RBMS3: variants seen among roughly 807,000 people sequenced by gnomAD.
The protein encoded by RBMS3 is RNA binding motif single stranded interacting protein 3, also known as RNA-binding motif, single-stranded-interacting protein 3.
A neutral mutation model predicts 66.8 loss-of-function variants in RBMS3; 27 were observed. The ratio of observed to expected loss-of-function variants is 0.40; its 90% confidence interval spans 0.30 to 0.56. The LOEUF is 0.56. Among genes scored for constraint, RBMS3 ranks in the 20% least tolerant of loss-of-function variants. RBMS3 has a pLI of 0.40. For synonymous variants in RBMS3, 188 were observed against 183.0 expected, an observed-to-expected ratio of 1.03 and a Z score of -0.22; for missense variants, 513 against 549.5, an observed-to-expected ratio of 0.93 and a Z score of 0.66.
intron 3 of RBMS3, among the ~76,000 whole-genome samples, chr3:29,560,941 C>T (rs1281209346): frequency 6.6e-6 from 1 of 152,172 alleles, no homozygotes; most frequent in East Asian, 1.9e-4. Context: ...ACCTATGTGT[C>T]CATGCGTTCT....
chr3:29,715,394 A>G (rs573338522), intron 4 of RBMS3, among the ~76,000 whole-genome samples: 5 of 152,276 alleles, frequency 3.3e-5, no homozygotes, highest in Non-Finnish European at 7.4e-5. Flanking sequence ...TTGTAACTCA[A>G]ATCCTATGCT....
chr3:29,619,905 G>A (rs2149151130), intron 4 of RBMS3, among the ~76,000 whole-genome samples: 1 of 151,692 alleles, frequency 6.6e-6, no homozygotes, highest in Non-Finnish European at 1.5e-5. Context: ...GTTTGTTCTT[G>A]TCTTCCTGAG....
intron 1 of RBMS3, among the ~76,000 whole-genome samples, chr3:29,330,472 G>A (rs1192457081): frequency 6.6e-6 from 1 of 152,134 alleles, no homozygotes; most frequent in East Asian, 1.9e-4. Flanking sequence ...GAGCCCTACA[G>A]TGAAATACAT....
rs2052814452 is a variant in RBMS3, at chr3:29,705,098, A to G, written c.400-34622A>G. On this transcript the variant is annotated intron_variant, in intron 4 of 14. Transcript: ENST00000383767. ...GGGGCTTTTTGTTTCACCAAATAAA[A>G]CGATAGCTTTCTCGCCCATGTCCAC... Among the ~76,000 whole-genome samples the G allele has an allele frequency of 3.9e-5, 6 of 152,296 alleles. No homozygotes were observed. In the South Asian group the frequency reaches 1.2e-3, roughly 32 times the overall value.
rs75737953 is a variant in RBMS3, at chr3:29,346,398, T to A, written c.75+64642T>A. 2.1e-4 allele frequency among the ~76,000 whole-genome samples: 19 copies of A among 88,382 alleles called. No individual in the cohort carries two copies. The South Asian group carries it at 6.9e-3, about 32-fold the overall frequency. The allele number at this position is 88,382 out of a possible 152,430, so 58.0% of individuals were successfully genotyped here. ...AATCCTAGTAAAGGCAATTCATTCTTTTTTTTTTTTTTTTTTTTTTTTTGA... is the reference window on the plus strand; with the variant it reads ...AATCCTAGTAAAGGCAATTCATTCTATTTTTTTTTTTTTTTTTTTTTTTGA... On this transcript the variant is annotated intron_variant, in intron 1 of 14. Coordinates refer to ENST00000383767, the MANE Select transcript of RBMS3 (RefSeq NM_001003793.3).
At chr3:29,838,101 G>A (rs945802356) in intron 6 of RBMS3, among the ~76,000 whole-genome samples, 2 of 148,774 alleles carry the variant, frequency 1.3e-5, no homozygotes, top group African/African-American at 5.0e-5. Flanking sequence ...GCCAAAATGG[G>A]AGGATCACTG....
At chr3:29,449,831 A>G (rs1173562239) in intron 2 of RBMS3, among the ~76,000 whole-genome samples, 1 of 152,196 alleles carries the variant, frequency 6.6e-6, no homozygotes, top group Non-Finnish European at 1.5e-5. Flanking sequence ...GTTGTATTAC[A>G]TGCACTTGTT....
intron 1 of RBMS3, among the ~76,000 whole-genome samples, chr3:29,318,249 T>A (rs1347793264): frequency 6.6e-6 from 1 of 151,868 alleles, no homozygotes; most frequent in Admixed American, 6.6e-5. Flanking sequence ...GTGGGCTAAG[T>A]TGGTTTACTT....
chr3:29,346,388 A>G (rs900997814), intron 1 of RBMS3, among the ~76,000 whole-genome samples: 2 of 148,004 alleles, frequency 1.4e-5, no homozygotes, highest in Non-Finnish European at 1.5e-5. Context: ...TAGTAAAGGC[A>G]ATTCATTCTT....
intron 12 of RBMS3, among the ~76,000 whole-genome samples, chr3:29,971,218 A>C (rs1232524716): frequency 1.3e-5 from 2 of 152,048 alleles, no homozygotes; most frequent in African/African-American, 4.8e-5. Context: ...CCTCAAAACT[A>C]CATTATTTCA....
Position 29,984,801 on chromosome 3 carries a change from C to T in RBMS3, c.1099-3342C>T, listed in dbSNP as rs141090645. Among the ~76,000 whole-genome samples, 967 of 152,226 alleles carry T rather than the reference C, an allele frequency of 6.4e-3. 8 individuals carry two copies. Among genetic ancestry groups the T allele is most frequent in the African/African-American group, 0.022 (923 of 41,554 alleles). On this transcript the variant is annotated intron_variant, in intron 12 of 14. Transcript: ENST00000383767. The stretch of plus-strand genomic sequence containing the variant: ...CTCTGGAAGCTTCGTCCCAGAGGGG[C>T]ACCCACCAGATGCCTGTATGAGGTG...
intron 12 of RBMS3, among the ~76,000 whole-genome samples, chr3:29,979,103 G>T (rs557178023): frequency 5.3e-5 from 8 of 152,192 alleles, no homozygotes; most frequent in African/African-American, 1.7e-4. Flanking sequence ...CTGTACTCCA[G>T]CCTGGGCCAC....
At chr3:29,535,074 T>A (rs750448380) in intron 3 of RBMS3, among the ~76,000 whole-genome samples, 1 of 152,282 alleles carries the variant, frequency 6.6e-6, no homozygotes, top group East Asian at 1.9e-4. Flanking sequence ...TGGAGGAATT[T>A]AGCAGAAAAC....
At chr3:29,286,084 A>C (rs2032304192) in intron 1 of RBMS3, among the ~76,000 whole-genome samples, 1 of 152,178 alleles carries the variant, frequency 6.6e-6, no homozygotes, top group Non-Finnish European at 1.5e-5. Context: ...GAAACATACA[A>C]AACTAGTTTT....
chr3:29,541,794 T>C (rs761619176), intron 3 of RBMS3, among the ~76,000 whole-genome samples: 1 of 152,044 alleles, frequency 6.6e-6, no homozygotes, highest in Admixed American at 6.6e-5. Context: ...CCCCTTGACC[T>C]CATCACTTTG....
chr3:29,918,602 C>A (rs2060695252), intron 10 of RBMS3, among the ~76,000 whole-genome samples: 2 of 151,942 alleles, frequency 1.3e-5, no homozygotes, highest in Non-Finnish European at 2.9e-5. Context: ...ATAAGACCCA[C>A]CTTAATGTTA....
chr3:29,321,781 G>C (rs978132114), intron 1 of RBMS3, among the ~76,000 whole-genome samples: 3 of 152,096 alleles, frequency 2.0e-5, no homozygotes, highest in Admixed American at 2.0e-4. Flanking sequence ...AAGCCACCAA[G>C]CTGGCTGGAG....
chr3:29,287,076 G>A (rs776572468), intron 1 of RBMS3, among the ~76,000 whole-genome samples: 2 of 152,056 alleles, frequency 1.3e-5, no homozygotes, highest in Admixed American at 6.6e-5. Flanking sequence ...GACCAAAAGC[G>A]AAAATGTATT....
intron 4 of RBMS3, among the ~76,000 whole-genome samples, chr3:29,639,730 C>T (rs1453606451): frequency 1.6e-4 from 24 of 151,724 alleles, no homozygotes; most frequent in Admixed American, 1.6e-3. Flanking sequence ...TAGAGAAGCC[C>T]AGTATCTGCC....
Sources: gnomAD v4.1 joint callset for allele counts (sites outside exome capture counted in the v4.1 genomes callset) on GRCh38, gnomAD v4.1.1 for gene constraint, MANE v1.5 for transcripts, NCBI Gene and HGNC (gene_info 2026-07-23, HGNC 2026-07-21) for gene names.